Variants in PCSK7 observed in about 807,000 individuals in gnomAD.
PCSK7 encodes the protein proprotein convertase subtilisin/kexin type 7.
A neutral mutation model predicts 73.3 loss-of-function variants in PCSK7; 38 were observed. That is an observed-to-expected ratio of 0.52 (90% CI 0.40 to 0.68). The LOEUF is 0.68. Among genes scored for constraint, PCSK7 ranks in the 30% least tolerant of loss-of-function variants. The probability of loss-of-function intolerance (pLI) is 0.00; values close to 1 mark genes in which losing one functional copy is unlikely to be tolerated. For missense variants in PCSK7, 692 were observed against 991.5 expected (o/e 0.70, Z 4.06); for synonymous variants, 296 against 383.8 (o/e 0.77, Z 2.68).
chr11:117,225,054 C>CT (rs2032361785), intron 6 of PCSK7: 1 of 184,604 alleles, frequency 5.4e-6, no homozygotes, highest in Non-Finnish European at 1.0e-5. Flanking sequence ...GACATGTAGA[C>CT]CTTTTTTTTT....
At chr11:117,215,380 G>GTGTGTGTATATA (rs1164738557) in intron 12 of PCSK7, 1 of 55,900 alleles carries the variant, frequency 1.8e-5, no homozygotes. Flanking sequence ...GTGTGTGTGT[G>GTGTGTGTATATA]TATATATATA....
chr11:117,219,606 G>A lies in PCSK7; in HGVS notation c.1308C>T (p.Val436=). The part of the protein sequence containing the change: ...LTWRDVQHII[V]FTATRYEDRR... Reference sequence around the variant, plus strand: ...GGTATCTCACCCGGGTGGCTGTGAAGACAATGATGTGCTGGACGTCACGCC... The same window carrying A: ...GGTATCTCACCCGGGTGGCTGTGAAAACAATGATGTGCTGGACGTCACGCC... The change falls in exon 10 of 17, where the codon GTC becomes GTT. Residue 436 remains valine (V), a synonymous_variant. Coordinates refer to ENST00000320934, the MANE Select transcript of PCSK7 (RefSeq NM_004716.4). The A allele has an allele frequency of 6.2e-7, 1 of 1,612,896 alleles. No individual in the cohort carries two copies.
rs2032566157 is a variant in PCSK7 at position 117,229,646 on chromosome 11, C to T, written c.199G>A (p.Glu67Lys). Residue 67 changes from glutamate to lysine, a missense_variant, in exon 3 of 17, where the codon GAA becomes AAA. Around this residue, in one of 6 missense-constraint regions of PCSK7, gnomAD observed 574 missense variants for 689.8 expected, o/e 0.83. Transcript: ENST00000320934. Reference sequence around the variant, plus strand: ...TCCGCCTGCTGCTCCAGAGTCTCTTCCTCCCCGTCACCTTCCAGGCTTTCC... The same window carrying T: ...TCCGCCTGCTGCTCCAGAGTCTCTTTCTCCCCGTCACCTTCCAGGCTTTCC... ...HLESLEGDGE[E>K]ETLEQQADAL... 1.3e-5 allele frequency: 21 copies of T among 1,614,002 alleles called. No homozygotes were observed. The highest frequency in any genetic ancestry group is 1.8e-5 in the Non-Finnish European group (21 of 1,179,860).
Position 117,218,854 on chromosome 11 carries a change from G to GT in PCSK7, c.1431+202dup. 1.7e-6 allele frequency: 1 copy of GT among 586,814 alleles called. No homozygotes were observed. The highest frequency in any genetic ancestry group is 2.8e-5 in the East Asian group (1 of 35,856). 36.4% of individuals were successfully genotyped at this position (586,814 alleles called of 1,614,324 possible). A position where few individuals can be genotyped will look rare whatever the true frequency, so the allele number is the denominator to read the frequency against. On this transcript the variant is annotated intron_variant, in intron 11 of 16. Transcript: ENST00000320934. This position sits in a 1 kb window ranked among gnomAD's most constrained non-coding sequence, Gnocchi z 4.0. The stretch of plus-strand genomic sequence containing the variant: ...TCAGGTCCCATTTACTCTATTAGTA[G>GT]TTTGGAAACTTCAGTGATAGCATTG...
chr11:117,231,966 C>G lies in PCSK7; in HGVS notation c.-133+61G>C, dbSNP rs547127577. 2.0e-5 allele frequency: 3 copies of G among 152,856 alleles called. No homozygotes were observed. In the East Asian group the frequency reaches 5.8e-4, roughly 29 times the overall value. The allele number at this position is 152,856 out of a possible 1,614,324, so 9.5% of individuals were successfully genotyped here. Reference sequence around the variant, plus strand: ...CTCCCTCATCCTCAGACGCCGGCTTCCCCCACTTCTGGGGCCCCCTGACCA... The same window carrying G: ...CTCCCTCATCCTCAGACGCCGGCTTGCCCCACTTCTGGGGCCCCCTGACCA... On this transcript the variant is annotated intron_variant, in intron 1 of 16. Coordinates refer to ENST00000320934, the MANE Select transcript of PCSK7 (RefSeq NM_004716.4).
intron 9 of PCSK7, chr11:117,221,032 A>G (rs990705824): frequency 6.6e-6 from 1 of 152,228 alleles, no homozygotes; most frequent in Non-Finnish European, 1.5e-5. Flanking sequence ...GGTTTAGCTG[A>G]GGCGGGCCCT....
chr11:117,212,404 C>CTTTTTT (rs1196002458), intron 12 of PCSK7: 54 of 124,914 alleles, frequency 4.3e-4, no homozygotes, highest in Non-Finnish European at 6.3e-4. Context: ...TTTTTCTTTT[C>CTTTTTT]TTTTTTTTTT....
intron 12 of PCSK7, chr11:117,212,203 T>C (rs2031758444): frequency 6.6e-6 from 1 of 152,180 alleles, no homozygotes; most frequent in African/African-American, 2.4e-5. Flanking sequence ...TTATTGTTTT[T>C]AATTGTTTTC....
chr11:117,219,394 C>T, intron 10 of PCSK7, 197 bp downstream of exon 10: 1 of 643,356 alleles, frequency 1.6e-6, no homozygotes, highest in East Asian at 2.8e-5. Flanking sequence ...CCAGAGCTCC[C>T]CTTTGCAGAT....
rs983052213 is a variant in PCSK7 at position 117,227,208 on chromosome 11, G to A, written c.718C>T (p.Pro240Ser). 5.6e-6 allele frequency: 9 copies of A among 1,611,786 alleles called. No individual in the cohort carries two copies. In the Admixed American group the frequency reaches 6.7e-5, roughly 12 times the overall value. The change falls in exon 5 of 17, where the codon CCC becomes TCC. Residue 240 changes from proline (P) to serine (S), a missense_variant. Pro to Ser is a moderately conservative substitution (Grantham distance 74). Around this residue, in one of 6 missense-constraint regions of PCSK7, gnomAD observed 574 missense variants for 689.8 expected, o/e 0.83. Coordinates refer to ENST00000320934, the MANE Select transcript of PCSK7 (RefSeq NM_004716.4). ...TRCAGEIAAVPNNSFCAVGVA... is the reference protein window; with the variant it reads ...TRCAGEIAAVSNNSFCAVGVA... ...CCCACGGCACAGAAGCTGTTGTTGG[G>A]CACAGCCGCGATCTCTCCTGCACAT... is the stretch of plus-strand genomic sequence containing the variant.
chr11:117,215,364 T>TTGTGTGTGTGTGTGTGTG lies in PCSK7; in HGVS notation c.1534+3101_1534+3102insCACACACACACACACACA, dbSNP rs778828914. ...GCACGTGCCACCATGCCTGGCTAAT[T>TTGTGTGTGTGTGTGTGTG]TGTGTGTGTGTGTGTGTATATATAT... is the stretch of plus-strand genomic sequence containing the variant. On this transcript the variant is annotated intron_variant, in intron 12 of 16. Coordinates refer to ENST00000320934, the MANE Select transcript of PCSK7 (RefSeq NM_004716.4). 5.9e-5 allele frequency: 5 copies of TTGTGTGTGTGTGTGTGTG among 84,900 alleles called. No homozygotes were observed. The East Asian group carries it at 1.3e-3, about 22-fold the overall frequency. 5.3% of individuals were successfully genotyped at this position (84,900 alleles called of 1,614,324 possible).
At chr11:117,213,444 C>A (rs182480469) in intron 12 of PCSK7, 18 of 152,184 alleles carry the variant, frequency 1.2e-4, no homozygotes, top group African/African-American at 4.3e-4. Flanking sequence ...AGAAAGCAAG[C>A]CAGCTTTTGA....
chr11:117,215,396 A>ATATATATATATG (rs1565307996), intron 12 of PCSK7: 13 of 60,874 alleles, frequency 2.1e-4, no homozygotes, highest in African/African-American at 1.8e-3. Context: ...ATATATATAT[A>ATATATATATATG]TATATATATA....
Position 117,208,880 on chromosome 11 carries a change from C to A in PCSK7, c.1691+17G>T, listed in dbSNP as rs780491343. ...CTTGCTGAAAAGGTTGCTCAGGCCT[C>A]GGGCGGGTGTACATACGAGTCCATG... On this transcript the variant is annotated intron_variant, in intron 13 of 16. Coordinates refer to ENST00000320934, the MANE Select transcript of PCSK7 (RefSeq NM_004716.4). 1.9e-6 allele frequency: 3 copies of A among 1,605,594 alleles called. No individual in the cohort carries two copies. The highest frequency in any genetic ancestry group is 1.7e-6 in the Non-Finnish European group (2 of 1,176,518).
rs767760871 is a variant in PCSK7 at position 117,229,452 on chromosome 11, T to C, written c.393A>G (p.Ser131=). The stretch of plus-strand genomic sequence containing the variant: ...TGGCCCGCCTTAGCAGCCTCTGCTC[T>C]GAGTGCCAGCGCACAGCTTCATGCC... The part of the protein sequence containing the change: ...LAGHEAVRWH[S]EQRLLRRAKR... The change falls in exon 3 of 17, where the codon TCA becomes TCG. Residue 131 remains serine, a synonymous_variant. Coordinates refer to ENST00000320934, the MANE Select transcript of PCSK7 (RefSeq NM_004716.4). 2.0e-5 allele frequency: 33 copies of C among 1,611,056 alleles called. No individual in the cohort carries two copies. The highest frequency in any genetic ancestry group is 7.6e-6 in the Non-Finnish European group (9 of 1,180,032).
At position 117,205,678 on chromosome 11, in the gene PCSK7, C is replaced by T. The variant is rs1171480150; in HGVS notation, c.*319G>A. The T allele has an allele frequency of 1.0e-5, 3 of 290,490 alleles. No homozygotes were observed. The highest frequency in any genetic ancestry group is 1.3e-5 in the Non-Finnish European group (2 of 157,232). 18.0% of individuals were successfully genotyped at this position (290,490 alleles called of 1,614,324 possible). ...CTCAACTTATATGTGGGAAGGGGTC[C>T]CCCATGCTTGGGGGACCTAGGCAGC... On this transcript the variant is annotated 3_prime_UTR_variant, in exon 17 of 17. Transcript: ENST00000320934.
chr11:117,225,046 C>T, intron 6 of PCSK7: 1 of 196,346 alleles, frequency 5.1e-6, no homozygotes, highest in South Asian at 1.3e-4. Flanking sequence ...GGATCAGAGA[C>T]ATGTAGACCT....
In PCSK7 at chr11:117,218,638, A is replaced by C; in HGVS notation, c.1432-70T>G. ...ATCACACCCACATTCTCACAAACAC[A>C]CACGCCCTTGTCAATACGATCTTGA... On this transcript the variant is annotated intron_variant, in intron 11 of 16. Transcript: ENST00000320934. The surrounding 1 kb of genome is among the most constrained non-coding windows in gnomAD (Gnocchi z 4.0). The C allele has an allele frequency of 1.2e-6, 1 of 802,090 alleles. No individual in the cohort carries two copies. The highest frequency in any genetic ancestry group is 2.1e-6 in the Non-Finnish European group (1 of 483,900). The allele number at this position is 802,090 out of a possible 1,614,324, so 49.7% of individuals were successfully genotyped here.
At chr11:117,223,891 G>T (rs1280762690) in intron 8 of PCSK7, 187 bp downstream of exon 8, 5 of 607,712 alleles carry the variant, frequency 8.2e-6, no homozygotes, top group African/African-American at 1.9e-5. Flanking sequence ...TGGCTTGAAG[G>T]TGTTCCCAGG....
Sources: allele counts gnomAD v4.1 joint callset, GRCh38; gene constraint gnomAD v4.1.1; regional missense constraint gnomAD v4.1.1; non-coding constraint Gnocchi (gnomAD v3.1); transcripts MANE v1.5; gene names NCBI Gene and HGNC (gene_info 2026-07-23, HGNC 2026-07-21).